RELN: variants seen among roughly 807,000 people sequenced by gnomAD.
RELN encodes reelin.
RELN carries 108 observed loss-of-function variants against 427.6 expected under a neutral mutation model. The ratio of observed to expected loss-of-function variants is 0.25; its 90% CI spans 0.22 to 0.30. The LOEUF (loss-of-function observed/expected upper bound fraction) is 0.30. RELN is among the 10% of genes least tolerant of loss of function. The pLI is 1.00. For missense variants in RELN, 3,715 were observed against 4,302.8 expected, an observed-to-expected ratio of 0.86 and a Z score of 3.82; for synonymous variants, 1,524 against 1,513.4, an observed-to-expected ratio of 1.01 and a Z score of -0.16.
At chr7:103,806,715 C>T (rs542060394) in intron 3 of RELN, among the ~76,000 whole-genome samples, 7 of 152,184 alleles carry the variant, frequency 4.6e-5, no homozygotes, top group South Asian at 2.1e-4. Flanking sequence ...CAAGAGAATC[C>T]GAAAAGTGAA....
chr7:103,677,765 C>CA (rs60678229), intron 11 of RELN, among the ~76,000 whole-genome samples: 6,384 of 55,964 alleles, frequency 0.11, 1,168 homozygotes, highest in African/African-American at 0.27. Flanking sequence ...GAATCTGTCT[C>CA]AAAAAAAAAA....
intron 2 of RELN, among the ~76,000 whole-genome samples, chr7:103,892,342 T>C (rs1230023900): frequency 6.6e-6 from 1 of 152,152 alleles, no homozygotes; most frequent in African/African-American, 2.4e-5. Context: ...TTCTATTGTT[T>C]ACACCATTGA....
chr7:103,733,503 T>C (rs1433366483), intron 6 of RELN, among the ~76,000 whole-genome samples: 2 of 144,452 alleles, frequency 1.4e-5, no homozygotes, highest in East Asian at 2.0e-4. Context: ...ATGTTTATTG[T>C]GGCATTATTC....
intron 2 of RELN, among the ~76,000 whole-genome samples, chr7:103,895,027 TTTC>T: frequency 6.6e-6 from 1 of 152,254 alleles, no homozygotes; most frequent in Middle Eastern, 3.4e-3. Flanking sequence ...ATCTGTAAAC[TTTC>T]TTGACTAAAA....
intron 33 of RELN, among the ~76,000 whole-genome samples, chr7:103,565,886 T>C (rs772072407): frequency 1.3e-5 from 2 of 152,202 alleles, no homozygotes; most frequent in Non-Finnish European, 2.9e-5. Context: ...ATCAGGGTAA[T>C]TGGGATATCC....
intron 1 of RELN, among the ~76,000 whole-genome samples, chr7:103,965,406 C>T (rs554391445): frequency 2.6e-5 from 4 of 152,166 alleles, no homozygotes; most frequent in African/African-American, 4.8e-5. Flanking sequence ...CAACATACTT[C>T]GTAGAAAACA....
chr7:103,566,627 G>A lies in RELN; in HGVS notation c.4721C>T (p.Ala1574Val). 6.2e-7 allele frequency: 1 copy of A among 1,614,184 alleles called. No homozygotes were observed. The highest frequency in any genetic ancestry group is 1.1e-5 in the South Asian group (1 of 91,084). ...ATGTTGCGGTTGCCACCATCGAAAT[G>A]CCGTTGCAGGTGTCTTCGCGTCCTG... ...LPQDAKTPAT[A>V]FRWWQPQHGK... The change falls in exon 32 of 65, where the codon GCA becomes GTA. Residue 1574 changes from alanine to valine, a missense_variant. This residue lies in a region of RELN where 2,208 missense variants were observed against 2,361.7 expected (regional missense o/e 0.93). Transcript: ENST00000428762.
intron 11 of RELN, among the ~76,000 whole-genome samples, chr7:103,677,147 C>A (rs1833547926): frequency 6.6e-6 from 1 of 150,794 alleles, no homozygotes; most frequent in Non-Finnish European, 1.5e-5. Flanking sequence ...TTATTCTCAG[C>A]AAACTATCAC....
At chr7:103,784,316 T>A (rs1252361323) in intron 3 of RELN, among the ~76,000 whole-genome samples, 1 of 152,138 alleles carries the variant, frequency 6.6e-6, no homozygotes, top group East Asian at 1.9e-4. Flanking sequence ...AATAACTTTA[T>A]GAGTAAAGTC....
At chr7:103,888,635 T>G (rs924969856) in intron 2 of RELN, among the ~76,000 whole-genome samples, 3 of 152,156 alleles carry the variant, frequency 2.0e-5, no homozygotes, top group Non-Finnish European at 2.9e-5. Flanking sequence ...ACTACTTGCC[T>G]GTCCTTGGCC....
chr7:103,483,522 G>C, intron 62 of RELN, 131 bp downstream of exon 62: 1 of 932,838 alleles, frequency 1.1e-6, no homozygotes, highest in Non-Finnish European at 1.8e-6. Flanking sequence ...GTTAGTCTTC[G>C]TTCTGCCACC....
chr7:103,587,758 T>C (rs1227288249), intron 28 of RELN, among the ~76,000 whole-genome samples: 2 of 151,904 alleles, frequency 1.3e-5, no homozygotes, highest in Non-Finnish European at 2.9e-5. Context: ...CATACAAATG[T>C]GAAAAGGTAT....
chr7:103,529,951 A>G (rs943945580), intron 46 of RELN, among the ~76,000 whole-genome samples: 1 of 151,938 alleles, frequency 6.6e-6, no homozygotes, highest in South Asian at 2.1e-4. Flanking sequence ...GTTATTCTGA[A>G]TCTTCTCTCT....
chr7:103,850,862 A>G (rs945322291), intron 2 of RELN, among the ~76,000 whole-genome samples: 1 of 152,226 alleles, frequency 6.6e-6, no homozygotes, highest in African/African-American at 2.4e-5. Context: ...TGCAGTGTAC[A>G]GGGAATGCTT....
At chr7:103,572,147 T>TAGTAACTGTAC in intron 31 of RELN, 37 bp downstream of exon 31, 1 of 1,205,204 alleles carries the variant, frequency 8.3e-7, no homozygotes, top group Non-Finnish European at 1.2e-6. Context: ...AATCTGCCAA[T>TAGTAACTGTAC]AGTAACTGTA....
chr7:103,536,256 G>T lies in RELN; in HGVS notation c.7181-772C>A, dbSNP rs150173930. Among the ~76,000 whole-genome samples, 33 of 152,292 alleles carry T rather than the reference G, an allele frequency of 2.2e-4. No individual in the cohort carries two copies. The East Asian group carries it at 6.0e-3, about 28-fold the overall frequency. On this transcript the variant is annotated intron_variant, in intron 45 of 64. Coordinates refer to ENST00000428762, the MANE Select transcript of RELN (RefSeq NM_005045.4). ...CATGCCATCAGGTTGTGGGTCTAAAGAAAGATATTTATTTCTTTCCTTTTC... is the reference window on the plus strand; with the variant it reads ...CATGCCATCAGGTTGTGGGTCTAAATAAAGATATTTATTTCTTTCCTTTTC...
rs556536017 is a variant in RELN at position 103,826,396 on chromosome 7, G to A, written c.473+7141C>T. On this transcript the variant is annotated intron_variant, in intron 3 of 64. Coordinates refer to ENST00000428762, the MANE Select transcript of RELN (RefSeq NM_005045.4). ...TATTTACATATCTAAATAGGTCACA[G>A]AGGGCAAAATAAGTTCTTTAAAAAT... 9.4e-5 allele frequency among the ~76,000 whole-genome samples: 14 copies of A among 149,596 alleles called. No individual in the cohort carries two copies. In the East Asian group the frequency reaches 2.8e-3, roughly 30 times the overall value.
chr7:103,589,065 G>A (rs531484809), intron 28 of RELN, among the ~76,000 whole-genome samples: 2 of 152,250 alleles, frequency 1.3e-5, no homozygotes, highest in East Asian at 3.9e-4. Flanking sequence ...CTCAGTAAAG[G>A]GAGAGACATC....
chr7:103,576,525 T>C (rs1292037306), intron 28 of RELN, among the ~76,000 whole-genome samples: 1 of 152,228 alleles, frequency 6.6e-6, no homozygotes, highest in African/African-American at 2.4e-5. Context: ...TTCCATTATT[T>C]TACTCAATTA....
Sources: gnomAD v4.1 joint callset for allele counts (sites outside exome capture counted in the v4.1 genomes callset) on GRCh38, gnomAD v4.1.1 for gene constraint, gnomAD v4.1.1 regional missense constraint, MANE v1.5 for transcripts, NCBI Gene and HGNC (gene_info 2026-07-23, HGNC 2026-07-21) for gene names.